Variants in HOMER1 observed in about 807,000 individuals in gnomAD.
The protein encoded by HOMER1 is homer protein homolog 1.
HOMER1 carries 3 observed loss-of-function variants against 48.9 expected under a neutral mutation model. That is an observed-to-expected ratio of 0.06 (90% CI 0.03 to 0.16). The LOEUF is 0.16. Among genes scored for constraint, HOMER1 ranks in the 10% least tolerant of loss-of-function variants. HOMER1 has a pLI of 1.00. For missense variants in HOMER1, 247 were observed against 411.4 expected (o/e 0.60, Z 3.46); for synonymous variants, 134 against 146.4 (o/e 0.92, Z 0.61).
Position 79,417,529 on chromosome 5 carries a change from G to A in HOMER1, c.528-15474C>T, listed in dbSNP as rs142324166. 4.4e-3 allele frequency among the ~76,000 whole-genome samples: 664 copies of A among 152,282 alleles called. 2 individuals carry two copies. Among genetic ancestry groups the A allele is most frequent in the African/African-American group, 0.014 (596 of 41,560 alleles). ...ATGATGTTAGACTATTCCACAGTGG[G>A]ATGTCTTCAGGAAATCAGTCTTACA... On this transcript the variant is annotated intron_variant, in intron 5 of 8. Coordinates refer to ENST00000334082, the MANE Select transcript of HOMER1 (RefSeq NM_004272.5).
At chr5:79,426,867 T>C (rs1457191703) in intron 5 of HOMER1, among the ~76,000 whole-genome samples, 2 of 152,170 alleles carry the variant, frequency 1.3e-5, no homozygotes, top group Non-Finnish European at 2.9e-5. Flanking sequence ...CCAGATTTGA[T>C]TGGTAAACAT....
chr5:79,493,694 A>G (rs1435130390), intron 1 of HOMER1, among the ~76,000 whole-genome samples: 3 of 151,970 alleles, frequency 2.0e-5, no homozygotes, highest in Admixed American at 2.0e-4. Flanking sequence ...TTGCATTCTC[A>G]CCCATCTCTT....
intron 5 of HOMER1, among the ~76,000 whole-genome samples, chr5:79,408,840 T>G (rs1749738200): frequency 6.6e-6 from 1 of 152,064 alleles, no homozygotes; most frequent in African/African-American, 2.4e-5. Context: ...CCCAGCACTT[T>G]GGGAGGCCAA....
At chr5:79,489,073 AACAT>A (rs1561384130) in intron 1 of HOMER1, among the ~76,000 whole-genome samples, 1 of 152,234 alleles carries the variant, frequency 6.6e-6, no homozygotes, top group Non-Finnish European at 1.5e-5. Context: ...ACAAAGAAGA[AACAT>A]ACACAGACTC....
At position 79,419,076 on chromosome 5, in the gene HOMER1, A is replaced by G. The variant is rs1750026545; in HGVS notation, c.528-17021T>C. Among the ~76,000 whole-genome samples, 5 of 152,344 alleles carry G rather than the reference A, an allele frequency of 3.3e-5. No individual in the cohort carries two copies. In the East Asian group the frequency reaches 7.7e-4, roughly 23 times the overall value. ...ACATATTTCAAAATGCAGAATAGTT[A>G]CAAATATGGATGGACAAATAAAATA... On this transcript the variant is annotated intron_variant, in intron 5 of 8. Transcript: ENST00000334082.
intron 8 of HOMER1, among the ~76,000 whole-genome samples, chr5:79,387,075 ATCTCTCTCTC>A (rs111457551): frequency 2.6e-5 from 3 of 113,642 alleles, no homozygotes; most frequent in Non-Finnish European, 3.8e-5. Context: ...TTCTTTCTCT[ATCTCTCTCTC>A]TCTCTCTCTC....
At position 79,379,469 on chromosome 5, in the gene HOMER1, TATATATAA is replaced by T. The variant is rs992182545; in HGVS notation, c.877-3280_877-3273del. On this transcript the variant is annotated intron_variant, in intron 8 of 8. Coordinates refer to ENST00000334082, the MANE Select transcript of HOMER1 (RefSeq NM_004272.5). ...TTTATATAATATATAATATATATTT[TATATATAA>T]ATATATAAATATATAAATATTTATA... Among the ~76,000 whole-genome samples, 492 of 114,706 alleles carry T rather than the reference TATATATAA, an allele frequency of 4.3e-3. 2 individuals are homozygous for T. Among genetic ancestry groups the T allele is most frequent in the East Asian group, 0.016 (74 of 4,716 alleles). 75.3% of individuals were successfully genotyped at this position (114,706 alleles called of 152,430 possible).
intron 5 of HOMER1, among the ~76,000 whole-genome samples, chr5:79,436,172 AT>A (rs1398832963): frequency 7.9e-5 from 12 of 151,996 alleles, no homozygotes; most frequent in Admixed American, 3.9e-4. Flanking sequence ...AAATAAAAAA[AT>A]AAATAAGATT....
At chr5:79,449,605 T>C (rs551149936) in intron 3 of HOMER1, among the ~76,000 whole-genome samples, 1 of 152,308 alleles carries the variant, frequency 6.6e-6, no homozygotes, top group African/African-American at 2.4e-5. Context: ...CCCAAGTAGC[T>C]GGGATTACAG....
intron 6 of HOMER1, among the ~76,000 whole-genome samples, chr5:79,400,328 C>T (rs1291203629): frequency 1.3e-5 from 2 of 151,706 alleles, no homozygotes; most frequent in African/African-American, 4.8e-5. Flanking sequence ...CATTTCCACT[C>T]TGTCTCAACT....
chr5:79,491,622 T>C (rs1219891893), intron 1 of HOMER1, among the ~76,000 whole-genome samples: 1 of 151,918 alleles, frequency 6.6e-6, no homozygotes, highest in East Asian at 1.9e-4. Context: ...AATGAAAGGT[T>C]TTCCTTCCGA....
chr5:79,512,416 G>A (rs1245636238), intron 1 of HOMER1, among the ~76,000 whole-genome samples: 2 of 152,184 alleles, frequency 1.3e-5, no homozygotes, highest in Non-Finnish European at 2.9e-5. Context: ...AGAGAATGCA[G>A]TACTTCTCTT....
At chr5:79,434,872 C>T (rs1372460140) in intron 5 of HOMER1, among the ~76,000 whole-genome samples, 1 of 152,028 alleles carries the variant, frequency 6.6e-6, no homozygotes, top group Admixed American at 6.5e-5. Context: ...ATCTATAATG[C>T]CACTGAATCA....
At position 79,496,138 on chromosome 5, in the gene HOMER1, A is replaced by C. The variant is rs192592177; in HGVS notation, c.5+16632T>G. Reference sequence around the variant, plus strand: ...TAATAAAAGTGCCTGCAAAGAGGGAACTAAGTGAACAACCTGCTGGCTAGA... The same window carrying C: ...TAATAAAAGTGCCTGCAAAGAGGGACCTAAGTGAACAACCTGCTGGCTAGA... On this transcript the variant is annotated intron_variant, in intron 1 of 8. Coordinates refer to ENST00000334082, the MANE Select transcript of HOMER1 (RefSeq NM_004272.5). 2.9e-4 allele frequency among the ~76,000 whole-genome samples: 44 copies of C among 152,332 alleles called. 1 individual carries two copies. The highest frequency in any genetic ancestry group is 1.0e-3 in the African/African-American group (42 of 41,574).
chr5:79,418,243 T>C (rs1749997827), intron 5 of HOMER1, among the ~76,000 whole-genome samples: 1 of 152,216 alleles, frequency 6.6e-6, no homozygotes, highest in Non-Finnish European at 1.5e-5. Context: ...ATGGAGATGA[T>C]AGTAAGTGAA....
At chr5:79,386,396 T>C (rs1043337125) in intron 8 of HOMER1, among the ~76,000 whole-genome samples, 1 of 152,182 alleles carries the variant, frequency 6.6e-6, no homozygotes, top group Non-Finnish European at 1.5e-5. Flanking sequence ...CTCACTGATA[T>C]GTGGGACCTG....
intron 5 of HOMER1, among the ~76,000 whole-genome samples, chr5:79,435,195 A>G (rs536983082): frequency 4.0e-5 from 6 of 150,530 alleles, no homozygotes; most frequent in African/African-American, 1.5e-4. Flanking sequence ...AGAAAGACTT[A>G]AAGAACAAAC....
At chr5:79,449,627 C>T (rs1750978432) in intron 3 of HOMER1, among the ~76,000 whole-genome samples, 1 of 152,052 alleles carries the variant, frequency 6.6e-6, no homozygotes, top group Admixed American at 6.5e-5. Flanking sequence ...TGTGTGCCAC[C>T]ACACCCAGCT....
intron 8 of HOMER1, among the ~76,000 whole-genome samples, chr5:79,395,210 T>C (rs6892318): frequency 0.47 from 72,017 of 152,068 alleles, 20,175 homozygotes; most frequent in African/African-American, 0.77. Flanking sequence ...TAACATATGC[T>C]TGAATCATCG....
Sources: gnomAD v4.1 joint callset for allele counts (sites outside exome capture counted in the v4.1 genomes callset) on GRCh38, gnomAD v4.1.1 for gene constraint, MANE v1.5 for transcripts, NCBI Gene and HGNC (gene_info 2026-07-23, HGNC 2026-07-21) for gene names.